OSTC: variants seen among roughly 807,000 people sequenced by gnomAD.
OSTC encodes oligosaccharyltransferase complex non-catalytic subunit.
OSTC carries 16 observed loss-of-function variants against 16.4 expected under a neutral mutation model. The observed-to-expected ratio is 0.98, with a 90% confidence interval of 0.66 to 1.49. The LOEUF (loss-of-function observed/expected upper bound fraction) is 1.49, where lower values mean the gene tolerates loss of function less well. Ranked by LOEUF, OSTC falls within the 40% of genes most tolerant of loss-of-function variation. The pLI is 0.00. For synonymous variants in OSTC, 67 were observed against 68.5 expected (o/e 0.98, Z 0.11); for missense variants, 139 against 186.3 (o/e 0.75, Z 1.48).
chr4:108,657,260 A>C (rs1370624101), intron 2 of OSTC, among the ~76,000 whole-genome samples, 190 bp from the exon 3 acceptor site: 4 of 152,192 alleles, frequency 2.6e-5, no homozygotes, highest in African/African-American at 7.2e-5. Context: ...AGTGCTTGCT[A>C]CCTAATAGAC....
intron 3 of OSTC, among the ~76,000 whole-genome samples, chr4:108,666,435 C>T (rs938241508): frequency 6.6e-6 from 1 of 152,098 alleles, no homozygotes; most frequent in Non-Finnish European, 1.5e-5. Flanking sequence ...AAGGGCCAGG[C>T]GCGGTGGCTC....
intron 1 of OSTC, among the ~76,000 whole-genome samples, chr4:108,651,648 G>T (rs1316387340): frequency 6.6e-6 from 1 of 152,164 alleles, no homozygotes; most frequent in Non-Finnish European, 1.5e-5. Flanking sequence ...TGTACATTTA[G>T]ATTTGGGGAA....
At chr4:108,656,487 A>G (rs1726705143) in intron 2 of OSTC, among the ~76,000 whole-genome samples, 1 of 151,798 alleles carries the variant, frequency 6.6e-6, no homozygotes, top group East Asian at 1.9e-4. Flanking sequence ...CCCTGTTTAC[A>G]TATGCCTATG....
chr4:108,657,952 C>T (rs528841718), intron 3 of OSTC, among the ~76,000 whole-genome samples: 30 of 80,422 alleles, frequency 3.7e-4, no homozygotes, highest in Admixed American at 1.0e-3. Flanking sequence ...TTTTTTGAGA[C>T]GGAGTTTCGC....
intron 1 of OSTC, among the ~76,000 whole-genome samples, chr4:108,652,661 A>G (rs186123284): frequency 1.6e-3 from 245 of 152,302 alleles, no homozygotes; most frequent in Middle Eastern, 3.4e-3. Flanking sequence ...AGAACAAAAC[A>G]TAAGGACCCT....
At chr4:108,656,838 G>A (rs1303025263) in intron 2 of OSTC, among the ~76,000 whole-genome samples, 4 of 152,084 alleles carry the variant, frequency 2.6e-5, no homozygotes, top group Non-Finnish European at 5.9e-5. Context: ...AGTGGCTCAC[G>A]CCTGTAATCC....
At chr4:108,655,996 T>G (rs1381227533) in intron 2 of OSTC, among the ~76,000 whole-genome samples, 1 of 152,160 alleles carries the variant, frequency 6.6e-6, no homozygotes, top group Non-Finnish European at 1.5e-5. Context: ...TGCCCATGTG[T>G]TTTATATGAT....
In OSTC at chr4:108,651,831, GC is replaced by G. The variant is rs1227654501; in HGVS notation, c.139+1038del. Among the ~76,000 whole-genome samples, 5 of 152,282 alleles carry G rather than the reference GC, an allele frequency of 3.3e-5. No homozygotes were observed. The East Asian group carries it at 9.6e-4, about 29-fold the overall frequency. ...CATAGATGTTTTGTGAGAATAGTTG[GC>G]ACTGAAGGGGGAGGATTCAAACTGA... On this transcript the variant is annotated intron_variant, in intron 1 of 3. Coordinates refer to ENST00000361564, the MANE Select transcript of OSTC (RefSeq NM_021227.4).
At chr4:108,655,979 G>A (rs1436099917) in intron 2 of OSTC, among the ~76,000 whole-genome samples, 1 of 152,030 alleles carries the variant, frequency 6.6e-6, no homozygotes, top group Non-Finnish European at 1.5e-5. Context: ...TTTATTGGAA[G>A]TAAGTATGCC....
At chr4:108,654,206 T>C (rs1221903198) in intron 1 of OSTC, among the ~76,000 whole-genome samples, 2 of 152,196 alleles carry the variant, frequency 1.3e-5, no homozygotes, top group Non-Finnish European at 2.9e-5. Flanking sequence ...GAAAGAGCAG[T>C]ATCAATGGTT....
chr4:108,660,733 T>C (rs535528324), intron 3 of OSTC, among the ~76,000 whole-genome samples: 4 of 152,212 alleles, frequency 2.6e-5, no homozygotes, highest in Non-Finnish European at 4.4e-5. Flanking sequence ...GGAATTCTTT[T>C]TTACAAAGAT....
intron 3 of OSTC, among the ~76,000 whole-genome samples, chr4:108,666,103 CCTAA>C (rs1388956692): frequency 1.3e-5 from 2 of 152,128 alleles, no homozygotes; most frequent in East Asian, 1.9e-4. Context: ...AGCTAAAGCT[CCTAA>C]CTGTTATCCA....
Position 108,652,836 on chromosome 4 carries a change from G to T in OSTC, c.139+2042G>T, listed in dbSNP as rs533129226. 1.1e-3 allele frequency among the ~76,000 whole-genome samples: 160 copies of T among 152,254 alleles called. 3 individuals are homozygous for T. The South Asian group carries it at 0.018, about 17-fold the overall frequency. On this transcript the variant is annotated intron_variant, in intron 1 of 3. Coordinates refer to ENST00000361564, the MANE Select transcript of OSTC (RefSeq NM_021227.4). ...TTGGATCATTTGAGCCCAGGAGTTC[G>T]AGGCCAGCCTGGGCAACATGGCGAA... is the stretch of plus-strand genomic sequence containing the variant.
At chr4:108,656,336 A>G (rs758993341) in intron 2 of OSTC, among the ~76,000 whole-genome samples, 8 of 152,074 alleles carry the variant, frequency 5.3e-5, no homozygotes, top group South Asian at 2.1e-4. Flanking sequence ...ATTTATTAGT[A>G]TTCTCTGTGG....
chr4:108,660,346 C>G (rs551016043), intron 3 of OSTC, among the ~76,000 whole-genome samples: 27 of 152,202 alleles, frequency 1.8e-4, no homozygotes, highest in South Asian at 4.2e-4. Context: ...ATCTGCAGCT[C>G]CTAATGCCTG....
At chr4:108,662,688 A>G (rs1726886740) in intron 3 of OSTC, among the ~76,000 whole-genome samples, 1 of 152,206 alleles carries the variant, frequency 6.6e-6, no homozygotes, top group Non-Finnish European at 1.5e-5. Flanking sequence ...TGGCTGAAGG[A>G]GAGCTTAATG....
intron 3 of OSTC, 152 bp downstream of exon 3, chr4:108,657,799 C>A (rs1179636018): frequency 2.9e-6 from 2 of 684,020 alleles, no homozygotes; most frequent in Non-Finnish European, 4.8e-6. Context: ...CAGGTTACAG[C>A]TATAGTTAAT....
intron 3 of OSTC, 67 bp from the exon 4 acceptor site, chr4:108,667,180 C>A (rs1727030333): frequency 7.5e-7 from 1 of 1,328,336 alleles, no homozygotes; most frequent in Non-Finnish European, 1.1e-6. Flanking sequence ...TTTTGAAATA[C>A]TATGATAATA....
At chr4:108,657,743 T>G in intron 3 of OSTC, 96 bp downstream of exon 3, 2 of 1,132,154 alleles carry the variant, frequency 1.8e-6, no homozygotes, top group Non-Finnish European at 2.5e-6. Context: ...TAACTTTCAT[T>G]TACATGGGTG....
Sources: allele counts gnomAD v4.1 joint callset (sites outside exome capture counted in the v4.1 genomes callset), GRCh38; gene constraint gnomAD v4.1.1; transcripts MANE v1.5; gene names NCBI Gene and HGNC (gene_info 2026-07-23, HGNC 2026-07-21).